Variants in ZFAND3 observed in about 807,000 individuals in gnomAD.
ZFAND3 encodes AN1-type zinc finger protein 3.
A neutral mutation model predicts 29.6 loss-of-function variants in ZFAND3; 10 were observed. The ratio of observed to expected loss-of-function variants is 0.34; its 90% confidence interval spans 0.21 to 0.57. The LOEUF (loss-of-function observed/expected upper bound fraction) is 0.57, where lower values mean the gene tolerates loss of function less well. Ranked by LOEUF, ZFAND3 falls within the 20% of genes least tolerant of loss-of-function variation. The probability of loss-of-function intolerance (pLI) is 0.86; values close to 1 mark genes in which losing one functional copy is unlikely to be tolerated. For synonymous variants in ZFAND3, 128 were observed against 112.6 expected (o/e 1.14, Z -0.87); for missense variants, 230 against 304.5 (o/e 0.76, Z 1.82).
chr6:37,920,312 T>G (rs946611795), intron 1 of ZFAND3, among the ~76,000 whole-genome samples: 1 of 147,138 alleles, frequency 6.8e-6, no homozygotes, highest in Admixed American at 6.8e-5. Flanking sequence ...CACTTCATTG[T>G]TTTTTTTTTT....
At chr6:38,020,163 A>G (rs1353671585) in intron 2 of ZFAND3, among the ~76,000 whole-genome samples, 5 of 152,112 alleles carry the variant, frequency 3.3e-5, no homozygotes, top group Non-Finnish European at 2.9e-5. Context: ...AGATTAATGT[A>G]TCTAACTTTG....
intron 4 of ZFAND3, among the ~76,000 whole-genome samples, chr6:38,109,178 CTTTTTT>C (rs1210795483): frequency 7.6e-6 from 1 of 130,726 alleles, no homozygotes; most frequent in African/African-American, 2.8e-5. Context: ...GCTGCCATGA[CTTTTTT>C]TTTTTTTTTT....
chr6:37,855,214 G>T (rs1001292191), intron 1 of ZFAND3, among the ~76,000 whole-genome samples: 10 of 148,426 alleles, frequency 6.7e-5, no homozygotes, highest in Non-Finnish European at 1.3e-4. Flanking sequence ...GTGCCGTCTC[G>T]TCTCACGGCA....
intron 5 of ZFAND3, among the ~76,000 whole-genome samples, chr6:38,119,437 C>T (rs771247161): frequency 2.0e-5 from 3 of 152,112 alleles, no homozygotes; most frequent in African/African-American, 4.8e-5. Flanking sequence ...AATATATATT[C>T]GCAATCTTTT....
At chr6:38,081,956 C>T (rs900289752) in intron 3 of ZFAND3, among the ~76,000 whole-genome samples, 2 of 152,056 alleles carry the variant, frequency 1.3e-5, no homozygotes, top group East Asian at 1.9e-4. Context: ...TTATGTAAGG[C>T]TAGTTTTTCA....
At chr6:38,027,396 C>T (rs1431661852) in intron 2 of ZFAND3, among the ~76,000 whole-genome samples, 5 of 152,148 alleles carry the variant, frequency 3.3e-5, no homozygotes, top group Non-Finnish European at 4.4e-5. Context: ...ACTAGCCTAT[C>T]GAGATAACCT....
intron 2 of ZFAND3, among the ~76,000 whole-genome samples, chr6:37,934,320 A>C (rs975228671): frequency 6.6e-6 from 1 of 152,086 alleles, no homozygotes; most frequent in Admixed American, 6.5e-5. Flanking sequence ...AAGACATTTA[A>C]GTATACTTCT....
chr6:38,012,091 GGGATGGGGTGTGGCA>G (rs1304627216), intron 2 of ZFAND3, among the ~76,000 whole-genome samples: 2 of 152,112 alleles, frequency 1.3e-5, no homozygotes, highest in African/African-American at 4.8e-5. Flanking sequence ...TTAAATGGTG[GGGATGGGGTGTGGCA>G]GGCAGTAGTG....
At chr6:37,985,090 G>C (rs754496473) in intron 2 of ZFAND3, among the ~76,000 whole-genome samples, 1 of 152,112 alleles carries the variant, frequency 6.6e-6, no homozygotes, top group Non-Finnish European at 1.5e-5. Flanking sequence ...CTATAAACTA[G>C]GCAATGAGTG....
rs755627119 is a variant in ZFAND3 at position 37,985,531 on chromosome 6, C to CCCA, written c.112+55533_112+55534insCAC. 8.9e-3 allele frequency among the ~76,000 whole-genome samples: 966 copies of CCCA among 109,018 alleles called. 5 individuals are homozygous for CCCA. Among genetic ancestry groups the CCCA allele is most frequent in the Non-Finnish European group, 0.013 (707 of 52,384 alleles). The allele number at this position is 109,018 out of a possible 152,430, so 71.5% of individuals were successfully genotyped here. On this transcript the variant is annotated intron_variant, in intron 2 of 5. Transcript: ENST00000287218. Reference sequence around the variant, plus strand: ...CACACACACACACACACACACACCCCCACACACGCCTGGTGGCACGTGCTT... The same window carrying CCCA: ...CACACACACACACACACACACACCCCCCACACACACGCCTGGTGGCACGTGCTT...
chr6:38,028,987 GA>G (rs1333123504), intron 2 of ZFAND3, among the ~76,000 whole-genome samples: 11 of 152,176 alleles, frequency 7.2e-5, no homozygotes, highest in Admixed American at 3.9e-4. Context: ...TCTCATTACA[GA>G]ATCATGTCTT....
chr6:37,941,900 T>G (rs2127417317), intron 2 of ZFAND3, among the ~76,000 whole-genome samples: 1 of 152,330 alleles, frequency 6.6e-6, no homozygotes, highest in South Asian at 2.1e-4. Flanking sequence ...CTTTGTGTAT[T>G]TGCTCATTTG....
intron 1 of ZFAND3, among the ~76,000 whole-genome samples, chr6:37,833,889 C>G (rs1409733550): frequency 6.7e-6 from 1 of 150,228 alleles, no homozygotes; most frequent in African/African-American, 2.4e-5. Context: ...ACAAAATTTA[C>G]TAGAAGGTAA....
chr6:37,859,810 G>GTT lies in ZFAND3; in HGVS notation c.71+39804_71+39805dup, dbSNP rs199534339. ...ATTTATTTTTCTGTCTTTAAAAAGG[G>GTT]TTTTTTTTTTTCCTGAGATAGAGTC... On this transcript the variant is annotated intron_variant, in intron 1 of 5. Transcript: ENST00000287218. Among the ~76,000 whole-genome samples, 23 of 143,112 alleles carry GTT rather than the reference G, an allele frequency of 1.6e-4. No homozygotes were observed. In the East Asian group the frequency reaches 2.6e-3, roughly 16 times the overall value. 93.9% of individuals were successfully genotyped at this position (143,112 alleles called of 152,430 possible). A position where few individuals can be genotyped will look rare whatever the true frequency, so the allele number is the denominator to read the frequency against.
chr6:38,083,849 C>T (rs1297669736), intron 4 of ZFAND3, among the ~76,000 whole-genome samples: 1 of 152,052 alleles, frequency 6.6e-6, no homozygotes, highest in Non-Finnish European at 1.5e-5. Flanking sequence ...TCTGTTTCCT[C>T]CTCTCTGATC....
intron 1 of ZFAND3, among the ~76,000 whole-genome samples, chr6:37,875,013 A>G (rs1010204095): frequency 6.6e-6 from 1 of 152,208 alleles, no homozygotes; most frequent in African/African-American, 2.4e-5. Context: ...AGGCCTGTGT[A>G]GATGTATCTT....
At chr6:38,038,418 A>C (rs780401624) in intron 2 of ZFAND3, among the ~76,000 whole-genome samples, 1 of 152,216 alleles carries the variant, frequency 6.6e-6, no homozygotes, top group African/African-American at 2.4e-5. Context: ...ATATTTAAAA[A>C]TATGTGAGCC....
rs1411866384 is a variant in ZFAND3 at position 38,061,682 on chromosome 6, A to G, written c.202A>G (p.Asn68Asp). ...DLFSEETTSDNNNTSITTPTL... is the reference protein window; with the variant it reads ...DLFSEETTSDDNNTSITTPTL... ...GTTTTCCGAAGAGACCACCAGTGAC[A>G]ACAACAATACCTCGATAACCACGCC... Residue 68 changes from asparagine (N) to aspartate (D), a missense_variant, in exon 3 of 6, where the codon AAC (asparagine) becomes GAC (aspartate). Transcript: ENST00000287218. 3 of 1,614,084 alleles carry G rather than the reference A, an allele frequency of 1.9e-6. No homozygotes were observed. The highest frequency in any genetic ancestry group is 1.7e-5 in the Admixed American group (1 of 60,010).
intron 1 of ZFAND3, among the ~76,000 whole-genome samples, chr6:37,860,178 GTT>G (rs34072361): frequency 6.4e-4 from 78 of 122,794 alleles, no homozygotes; most frequent in African/African-American, 1.1e-3. Flanking sequence ...GCCAAAAAGA[GTT>G]TTTTTTTTTT....
Sources: allele counts gnomAD v4.1 joint callset (sites outside exome capture counted in the v4.1 genomes callset), GRCh38; gene constraint gnomAD v4.1.1; transcripts MANE v1.5; gene names NCBI Gene and HGNC (gene_info 2026-07-23, HGNC 2026-07-21).